HRH1: variants seen among roughly 807,000 people sequenced by gnomAD.
HRH1 encodes histamine receptor H1.
A neutral mutation model predicts 10.3 loss-of-function variants in HRH1; 6 were observed. That is an observed-to-expected ratio of 0.58 (90% CI 0.32 to 1.15). HRH1 has a LOEUF of 1.15. HRH1 is among the 50% of genes most tolerant of loss of function. The pLI is 0.05. For synonymous variants in HRH1, 242 were observed against 236.7 expected, an observed-to-expected ratio of 1.02 and a Z score of -0.21; for missense variants, 514 against 615.3, an observed-to-expected ratio of 0.84 and a Z score of 1.74.
intron 1 of HRH1, among the ~76,000 whole-genome samples, chr3:11,250,074 G>C (rs1215372655): frequency 8.8e-6 from 1 of 113,072 alleles, no homozygotes; most frequent in Non-Finnish European, 1.6e-5. Flanking sequence ...ACGGAGTCTC[G>C]CTCTGCCGCC....
rs1357795047 is a variant in HRH1, at chr3:11,146,046, T to C, written c.-36+8647T>C. ...TTATGTGCAGTCTTTTGTGGGTATATATTTTCATTGCTCTTGGAGACGTGA... is the reference window on the plus strand; with the variant it reads ...TTATGTGCAGTCTTTTGTGGGTATACATTTTCATTGCTCTTGGAGACGTGA... On this transcript the variant is annotated intron_variant, in intron 1 of 1. Transcript: ENST00000438284. Among the ~76,000 whole-genome samples the C allele has an allele frequency of 2.0e-5, 3 of 152,234 alleles. No individual in the cohort carries two copies. The East Asian group carries it at 5.8e-4, about 29-fold the overall frequency.
intron 1 of HRH1, among the ~76,000 whole-genome samples, chr3:11,186,114 T>G (rs1937447815): frequency 6.6e-6 from 1 of 152,126 alleles, no homozygotes; most frequent in South Asian, 2.1e-4. Context: ...GATCGAGCCC[T>G]GTTTTAAGCC....
chr3:11,203,908 C>T (rs1938021783), intron 1 of HRH1, among the ~76,000 whole-genome samples: 1 of 152,166 alleles, frequency 6.6e-6, no homozygotes, highest in African/African-American at 2.4e-5. Context: ...ATTGGGGTTG[C>T]ATTAAATCTA....
At chr3:11,236,082 G>A (rs998022843) in intron 1 of HRH1, among the ~76,000 whole-genome samples, 5 of 152,194 alleles carry the variant, frequency 3.3e-5, no homozygotes, top group Non-Finnish European at 5.9e-5. Context: ...AACATCCAGA[G>A]TTTTAGTTGT....
chr3:11,250,144 G>A (rs894531326), intron 1 of HRH1, among the ~76,000 whole-genome samples: 1 of 136,494 alleles, frequency 7.3e-6, no homozygotes, highest in South Asian at 2.5e-4. Flanking sequence ...CCGCGTTCAC[G>A]CCATTCTCCT....
intron 1 of HRH1, among the ~76,000 whole-genome samples, chr3:11,140,157 T>C (rs546433422): frequency 6.6e-6 from 1 of 152,288 alleles, no homozygotes; most frequent in East Asian, 1.9e-4. Context: ...TGTTCTTAGC[T>C]GCCCTGCGAT....
At chr3:11,250,814 C>T (rs1939630236) in intron 1 of HRH1, among the ~76,000 whole-genome samples, 1 of 152,162 alleles carries the variant, frequency 6.6e-6, no homozygotes, top group South Asian at 2.1e-4. Flanking sequence ...AGGGTGGATG[C>T]ACGGCATGTG....
At chr3:11,240,563 C>T (rs1291986811) in intron 1 of HRH1, among the ~76,000 whole-genome samples, 2 of 152,122 alleles carry the variant, frequency 1.3e-5, no homozygotes, top group African/African-American at 4.8e-5. Context: ...TGTACCTCCA[C>T]CCCTGGAAAA....
At chr3:11,163,944 G>A (rs745662017) in intron 1 of HRH1, among the ~76,000 whole-genome samples, 8 of 151,916 alleles carry the variant, frequency 5.3e-5, no homozygotes, top group African/African-American at 1.5e-4. Context: ...TGTCACCATC[G>A]GTCCCCCCAT....
intron 1 of HRH1, among the ~76,000 whole-genome samples, chr3:11,213,750 G>A (rs757149242): frequency 9.9e-5 from 15 of 152,196 alleles, no homozygotes; most frequent in Non-Finnish European, 1.8e-4. Context: ...CATGAATTTT[G>A]GAGAGACACA....
At chr3:11,176,168 CAA>C (rs3082255) in intron 1 of HRH1, among the ~76,000 whole-genome samples, 28 of 119,866 alleles carry the variant, frequency 2.3e-4, no homozygotes, top group Non-Finnish European at 1.3e-4. Context: ...GAACCTGTCT[CAA>C]AAAAAAAAAA....
At chr3:11,243,990 G>A (rs912265683) in intron 1 of HRH1, among the ~76,000 whole-genome samples, 3 of 152,158 alleles carry the variant, frequency 2.0e-5, no homozygotes, top group Non-Finnish European at 4.4e-5. Context: ...ATTAGGATTC[G>A]AGTTGGCTGT....
intron 1 of HRH1, among the ~76,000 whole-genome samples, chr3:11,206,179 A>C (rs542902902): frequency 1.3e-5 from 2 of 152,118 alleles, no homozygotes; most frequent in Admixed American, 6.5e-5. Flanking sequence ...CAATGGTGCA[A>C]TCTCGGCCCA....
intron 1 of HRH1, among the ~76,000 whole-genome samples, chr3:11,187,139 G>A (rs538818488): frequency 1.3e-5 from 2 of 152,246 alleles, no homozygotes; most frequent in African/African-American, 4.8e-5. Context: ...CCTCTGGCCT[G>A]GAATAACCCA....
At chr3:11,190,373 A>AT (rs1443555137) in intron 1 of HRH1, among the ~76,000 whole-genome samples, 63 of 143,128 alleles carry the variant, frequency 4.4e-4, no homozygotes, top group South Asian at 1.9e-3. Flanking sequence ...ATATTTTTTA[A>AT]TTAATTAATT....
chr3:11,261,279 T>C lies in HRH1; in HGVS notation c.*778T>C, dbSNP rs933471628. 1.2e-5 allele frequency: 2 copies of C among 167,070 alleles called. No individual in the cohort carries two copies. The highest frequency in any genetic ancestry group is 4.8e-5 in the African/African-American group (2 of 41,474). The allele number at this position is 167,070 out of a possible 1,614,324, so 10.3% of individuals were successfully genotyped here. On this transcript the variant is annotated 3_prime_UTR_variant, in exon 2 of 2. Coordinates refer to ENST00000431010, the MANE Select transcript of HRH1 (RefSeq NM_001098212.2). ...CAAAAGAAAGAGAAATGAAATATTT[T>C]TGAATGGTTGCACGTTAAAAATTAA...
At chr3:11,195,764 G>C (rs1174648760) in intron 1 of HRH1, among the ~76,000 whole-genome samples, 1 of 152,208 alleles carries the variant, frequency 6.6e-6, no homozygotes, top group African/African-American at 2.4e-5. Flanking sequence ...CTGCAGATGA[G>C]CTTCAGGAAG....
rs199977410 is a variant in HRH1 at position 11,259,274 on chromosome 3, C to T, written c.237C>T (p.Val79=). Residue 79 remains valine, a synonymous_variant, in exon 2 of 2, where the codon GTC becomes GTT. Transcript: ENST00000431010. This position sits in a 1 kb window ranked among gnomAD's most constrained non-coding sequence, Gnocchi z 4.6. ...LSVADLIVGA[V]VMPMNILYLL... ...TGGCGGACTTGATCGTGGGTGCCGT[C>T]GTCATGCCTATGAACATCCTCTACC... The T allele has an allele frequency of 1.4e-4, 230 of 1,613,596 alleles. 1 individual carries two copies. Among genetic ancestry groups the T allele is most frequent in the Non-Finnish European group, 1.8e-4 (217 of 1,179,886 alleles).
chr3:11,176,667 A>G (rs1336716980), intron 1 of HRH1, among the ~76,000 whole-genome samples: 2 of 152,216 alleles, frequency 1.3e-5, no homozygotes, highest in Non-Finnish European at 2.9e-5. Context: ...TAGGGAAGGG[A>G]GAGGAAAACT....
Sources: gnomAD v4.1 joint callset for allele counts (sites outside exome capture counted in the v4.1 genomes callset) on GRCh38, gnomAD v4.1.1 for gene constraint, Gnocchi (gnomAD v3.1) non-coding constraint, MANE v1.5 for transcripts, NCBI Gene and HGNC (gene_info 2026-07-23, HGNC 2026-07-21) for gene names.